Variants in MAPK10 observed in about 807,000 individuals in gnomAD.
MAPK10 encodes the protein JNK3 alpha protein kinase.
Under a neutral mutation model 59.3 loss-of-function variants are expected in MAPK10, and 25 were observed. The ratio of observed to expected loss-of-function variants is 0.42; its 90% CI spans 0.31 to 0.59. The LOEUF is 0.59. MAPK10 is among the 20% of genes least tolerant of loss of function. The pLI, the probability that MAPK10 is intolerant of heterozygous loss-of-function variation, is 0.15. For missense variants in MAPK10, 351 were observed against 568.9 expected, an observed-to-expected ratio of 0.62 and a Z score of 3.90; for synonymous variants, 190 against 200.5, an observed-to-expected ratio of 0.95 and a Z score of 0.44.
chr4:86,544,630 A>T (rs1423436829), intron 1 of MAPK10, among the ~76,000 whole-genome samples: 1 of 152,252 alleles, frequency 6.6e-6, no homozygotes, highest in Non-Finnish European at 1.5e-5. Context: ...TAAAAAAACT[A>T]GAGTCACTTT....
rs548174343 is a variant in MAPK10, at chr4:86,347,142, A to G, written c.-7+7388T>C. Among the ~76,000 whole-genome samples the G allele has an allele frequency of 2.0e-5, 3 of 152,356 alleles. No individual in the cohort carries two copies. The South Asian group carries it at 6.2e-4, about 32-fold the overall frequency. On this transcript the variant is annotated intron_variant, in intron 2 of 13. Coordinates refer to ENST00000641462, the MANE Select transcript of MAPK10 (RefSeq NM_138982.4). ...AGTACAAATAGAAAGAAAACTTTAA[A>G]TTTATGGTATCTACAATGCAAATAA...
At chr4:86,237,649 GTCT>G (rs1194046986) in intron 2 of MAPK10, among the ~76,000 whole-genome samples, 2 of 152,040 alleles carry the variant, frequency 1.3e-5, no homozygotes, top group Non-Finnish European at 2.9e-5. Context: ...CCACATAAAT[GTCT>G]TCTTTTAAGA....
chr4:86,503,735 C>T (rs1242276440), intron 1 of MAPK10, among the ~76,000 whole-genome samples: 1 of 152,102 alleles, frequency 6.6e-6, no homozygotes, highest in Non-Finnish European at 1.5e-5. Context: ...GATTTAAATC[C>T]TCCAATGGCT....
At chr4:86,377,692 T>C (rs1740036495) in intron 1 of MAPK10, among the ~76,000 whole-genome samples, 1 of 152,202 alleles carries the variant, frequency 6.6e-6, no homozygotes, top group Non-Finnish European at 1.5e-5. Flanking sequence ...ATAAACATTT[T>C]TAAGTCTCTC....
chr4:86,561,141 A>G (rs868303900), intron 1 of MAPK10, among the ~76,000 whole-genome samples: 14 of 152,176 alleles, frequency 9.2e-5, no homozygotes, highest in African/African-American at 3.4e-4. Context: ...CACCGTTCAC[A>G]GTAGGGTTCA....
chr4:86,344,889 T>C (rs1016084588), intron 2 of MAPK10, among the ~76,000 whole-genome samples: 8 of 152,176 alleles, frequency 5.3e-5, no homozygotes, highest in African/African-American at 7.2e-5. Flanking sequence ...ATAAGTAAAT[T>C]AATAAACAAA....
At position 86,463,547 on chromosome 4, in the gene MAPK10, G is replaced by A. The variant is rs543958921; in HGVS notation, c.-262-108903C>T. On this transcript the variant is annotated intron_variant, in intron 1 of 4. Coordinates refer to the MAPK10 transcript ENST00000502302. ...GATCACTTGCAAAATTCAATTTCTCGTGCTGGCTTAATTATAGCTCCTGAC... is the reference window on the plus strand; with the variant it reads ...GATCACTTGCAAAATTCAATTTCTCATGCTGGCTTAATTATAGCTCCTGAC... 2.0e-4 allele frequency among the ~76,000 whole-genome samples: 30 copies of A among 152,192 alleles called. No homozygotes were observed. In the South Asian group the frequency reaches 3.7e-3, roughly 19 times the overall value.
At chr4:86,428,975 G>A (rs1443905155) in intron 1 of MAPK10, among the ~76,000 whole-genome samples, 1 of 151,952 alleles carries the variant, frequency 6.6e-6, no homozygotes, top group Non-Finnish European at 1.5e-5. Context: ...AGGTTCTTGC[G>A]GGGTTTTTCT....
intron 1 of MAPK10, among the ~76,000 whole-genome samples, chr4:86,484,296 CAAGT>C (rs1170637482): frequency 3.7e-4 from 57 of 152,164 alleles, no homozygotes; most frequent in African/African-American, 1.4e-3. Flanking sequence ...ACATTACAAG[CAAGT>C]GTTATTATCC....
intron 1 of MAPK10, among the ~76,000 whole-genome samples, chr4:86,430,535 A>T (rs544453162): frequency 2.0e-5 from 3 of 152,220 alleles, no homozygotes; most frequent in African/African-American, 7.2e-5. Context: ...ATATTTAAAT[A>T]AACGAGTAGT....
At chr4:86,185,849 GA>G (rs371554226) in intron 3 of MAPK10, among the ~76,000 whole-genome samples, 14 of 152,230 alleles carry the variant, frequency 9.2e-5, no homozygotes, top group African/African-American at 3.4e-4. Flanking sequence ...ACAATGGGAA[GA>G]GTAATTTTAG....
chr4:86,210,691 C>T (rs186835548), intron 2 of MAPK10, among the ~76,000 whole-genome samples: 5 of 150,512 alleles, frequency 3.3e-5, no homozygotes, highest in Admixed American at 3.3e-4. Context: ...AGTCACAAGT[C>T]ATACAAAAAA....
intron 4 of MAPK10, chr4:86,124,239 G>A (rs2059718725): frequency 6.6e-6 from 1 of 151,332 alleles, no homozygotes; most frequent in South Asian, 2.1e-4. Flanking sequence ...ATTCACATTG[G>A]GTCCAAATAA....
chr4:86,469,517 G>A (rs866233051), intron 1 of MAPK10, among the ~76,000 whole-genome samples: 15 of 152,128 alleles, frequency 9.9e-5, no homozygotes, highest in African/African-American at 3.6e-4. Context: ...GAAAACACTT[G>A]AATGAACTTT....
chr4:86,113,443 GA>G (rs1240530196), intron 4 of MAPK10, among the ~76,000 whole-genome samples: 1 of 152,172 alleles, frequency 6.6e-6, no homozygotes, highest in Non-Finnish European at 1.5e-5. Flanking sequence ...TTGCTTGTCT[GA>G]AAAGGATTTT....
In MAPK10 at chr4:86,115,096, A is replaced by C. The variant is rs1050616006; in HGVS notation, c.237-7744T>G. ...CCTTCCCCAGGCACTCGGTTGTATT[A>C]GGCATTGTCCAGCCTGCTGCTACTG... is the stretch of plus-strand genomic sequence containing the variant. On this transcript the variant is annotated intron_variant, in intron 4 of 13. Coordinates refer to ENST00000641462, the MANE Select transcript of MAPK10 (RefSeq NM_138982.4). Among the ~76,000 whole-genome samples, 14 of 152,342 alleles carry C rather than the reference A, an allele frequency of 9.2e-5. 1 individual carries two copies. The highest frequency in any genetic ancestry group is 3.1e-4 in the African/African-American group (13 of 41,582).
At chr4:86,261,603 G>C (rs1367188193) in intron 2 of MAPK10, among the ~76,000 whole-genome samples, 1 of 152,014 alleles carries the variant, frequency 6.6e-6, no homozygotes, top group South Asian at 2.1e-4. Flanking sequence ...GATTGCTTGG[G>C]GTAAAAATAA....
intron 2 of MAPK10, among the ~76,000 whole-genome samples, chr4:86,322,522 T>C (rs1033411845): frequency 6.6e-6 from 1 of 152,230 alleles, no homozygotes; most frequent in Non-Finnish European, 1.5e-5. Flanking sequence ...TCTGACCTCT[T>C]TGAAGAACTC....
intron 4 of MAPK10, chr4:86,123,748 G>A (rs2059635133): frequency 6.6e-6 from 1 of 151,854 alleles, no homozygotes; most frequent in African/African-American, 2.4e-5. Context: ...TTACTTTTAG[G>A]TCATGTCAGT....
Sources: gnomAD v4.1 joint callset for allele counts (sites outside exome capture counted in the v4.1 genomes callset) on GRCh38, gnomAD v4.1.1 for gene constraint, MANE v1.5 for transcripts, NCBI Gene and HGNC (gene_info 2026-07-23, HGNC 2026-07-21) for gene names.